The following RGS20 variants were observed in gnomAD, a reference collection of about 807,000 sequenced individuals.
RGS20 encodes the protein gz-selective GTPase-activating protein.
Under a neutral mutation model 33.6 loss-of-function variants are expected in RGS20, and 30 were observed. That is an observed-to-expected ratio of 0.89 (90% confidence interval 0.67 to 1.21). The LOEUF is 1.21. RGS20 is among the 50% of genes most tolerant of loss of function. The probability of loss-of-function intolerance (pLI) is 0.00; values close to 1 mark genes in which losing one functional copy is unlikely to be tolerated. For missense variants in RGS20, 472 were observed against 502.4 expected (o/e 0.94, Z 0.58); for synonymous variants, 208 against 197.9 (o/e 1.05, Z -0.43).
chr8:53,933,935 G>T (rs578160412), intron 2 of RGS20, among the ~76,000 whole-genome samples: 1 of 152,324 alleles, frequency 6.6e-6, no homozygotes, highest in Admixed American at 6.5e-5. Context: ...CAAGCCAGAA[G>T]AGAGTGGGGT....
intron 1 of RGS20, among the ~76,000 whole-genome samples, chr8:53,875,973 G>A (rs960412473): frequency 1.3e-5 from 2 of 152,206 alleles, no homozygotes; most frequent in African/African-American, 4.8e-5. Flanking sequence ...GGTCAATGCA[G>A]GGAAAGATTT....
chr8:53,856,831 C>T, intron 1 of RGS20, among the ~76,000 whole-genome samples: 1 of 151,846 alleles, frequency 6.6e-6, no homozygotes, highest in African/African-American at 2.4e-5. Context: ...TCTGCTGTTC[C>T]AGACATGTGA....
intron 2 of RGS20, chr8:53,881,076 G>T (rs780172982): frequency 1.9e-6 from 3 of 1,544,244 alleles, no homozygotes; most frequent in East Asian, 2.3e-5. Flanking sequence ...CAGGGTGGAC[G>T]GTGGGCTCGT....
chr8:53,952,100 C>G (rs1442035150), intron 4 of RGS20, among the ~76,000 whole-genome samples: 2 of 145,228 alleles, frequency 1.4e-5, no homozygotes, highest in Non-Finnish European at 3.0e-5. Context: ...TTTTTTGAGA[C>G]AGAGTCTTAC....
intron 2 of RGS20, among the ~76,000 whole-genome samples, chr8:53,909,207 GTGTATATATA>G (rs1330520965): frequency 0.14 from 11,878 of 82,986 alleles, 1,006 homozygotes; most frequent in South Asian, 0.19. Flanking sequence ...TATGGTATGT[GTGTATATATA>G]TATATATATA....
Position 53,947,193 on chromosome 8 carries a change from A to T in RGS20, c.743+445A>T, listed in dbSNP as rs12546514. Among the ~76,000 whole-genome samples, 986 of 145,038 alleles carry T rather than the reference A, an allele frequency of 6.8e-3. 20 individuals carry two copies. The highest frequency in any genetic ancestry group is 0.036 in the Admixed American group (494 of 13,820). ...TCTATATAAGATATAGCATATTTAT[A>T]CACGCTATATAAGATATAGCATATT... On this transcript the variant is annotated intron_variant, in intron 4 of 5. Coordinates refer to ENST00000297313, the MANE Select transcript of RGS20 (RefSeq NM_170587.4).
At chr8:53,865,827 T>G (rs1327090493) in intron 1 of RGS20, among the ~76,000 whole-genome samples, 2 of 152,194 alleles carry the variant, frequency 1.3e-5, no homozygotes, top group African/African-American at 2.4e-5. Context: ...AGGCTGGTCT[T>G]GAACTCCTGG....
chr8:53,910,398 C>T (rs945885585), intron 2 of RGS20, among the ~76,000 whole-genome samples: 1 of 146,748 alleles, frequency 6.8e-6, no homozygotes, highest in Non-Finnish European at 1.5e-5. Flanking sequence ...TGAGCTGCCA[C>T]TTACGCCTAT....
At chr8:53,916,467 C>A (rs544890708) in intron 2 of RGS20, among the ~76,000 whole-genome samples, 1 of 152,124 alleles carries the variant, frequency 6.6e-6, no homozygotes, top group Admixed American at 6.5e-5. Flanking sequence ...TTTTTTGCAA[C>A]GGTCTGTGAG....
intron 2 of RGS20, among the ~76,000 whole-genome samples, chr8:53,933,170 G>T (rs1814024157): frequency 6.6e-6 from 1 of 152,118 alleles, no homozygotes; most frequent in African/African-American, 2.4e-5. Flanking sequence ...AGTGCAAAAA[G>T]GCTGAAAATT....
At chr8:53,937,904 G>A (rs1814179013) in intron 2 of RGS20, among the ~76,000 whole-genome samples, 1 of 152,192 alleles carries the variant, frequency 6.6e-6, no homozygotes, top group Non-Finnish European at 1.5e-5. Context: ...GAGAGGATGT[G>A]GAGAAATAGG....
At chr8:53,879,632 C>A in intron 2 of RGS20, 2 of 1,420,884 alleles carry the variant, frequency 1.4e-6, no homozygotes, top group Non-Finnish European at 1.8e-6. Context: ...CTACGCCCCA[C>A]ACCCAGCCTC....
chr8:53,875,211 T>G (rs1008801991), intron 1 of RGS20, among the ~76,000 whole-genome samples: 2 of 151,944 alleles, frequency 1.3e-5, no homozygotes, highest in Admixed American at 1.3e-4. Context: ...GTGGGAGGAT[T>G]ACATGAGGTC....
intron 1 of RGS20, among the ~76,000 whole-genome samples, chr8:53,856,098 T>C (rs2129266336): frequency 6.6e-6 from 1 of 152,354 alleles, no homozygotes; most frequent in South Asian, 2.1e-4. Context: ...CTGTATGATT[T>C]CTGCCCAAAA....
intron 1 of RGS20, among the ~76,000 whole-genome samples, chr8:53,872,614 T>C (rs1399064435): frequency 2.0e-5 from 3 of 152,200 alleles, no homozygotes; most frequent in Non-Finnish European, 1.5e-5. Flanking sequence ...CGCTGTTCTC[T>C]TTCTACTCCC....
intron 2 of RGS20, among the ~76,000 whole-genome samples, chr8:53,904,503 T>C (rs1053636000): frequency 1.3e-5 from 2 of 152,212 alleles, no homozygotes; most frequent in Admixed American, 6.5e-5. Flanking sequence ...TAATTTGCAA[T>C]AACTACGCAG....
chr8:53,946,752 A>G lies in RGS20; in HGVS notation c.743+4A>G. On this transcript the variant is annotated splice_donor_region_variant and intron_variant, in intron 4 of 5. Coordinates refer to ENST00000297313, the MANE Select transcript of RGS20 (RefSeq NM_170587.4). ...ATCTTCCAACCTGGGAAGAAAGGTGAAATCACACGTTTTTTTTACCTCACT... is the reference window on the plus strand; with the variant it reads ...ATCTTCCAACCTGGGAAGAAAGGTGGAATCACACGTTTTTTTTACCTCACT... 6.2e-7 allele frequency: 1 copy of G among 1,611,984 alleles called. No homozygotes were observed. Among genetic ancestry groups the G allele is most frequent in the South Asian group, 1.1e-5 (1 of 90,782 alleles).
At chr8:53,881,372 C>A (rs1812377963) in intron 2 of RGS20, among the ~76,000 whole-genome samples, 1 of 151,968 alleles carries the variant, frequency 6.6e-6, no homozygotes. Flanking sequence ...TGCGGCTTCG[C>A]GTCGGTGTCT....
At chr8:53,932,197 G>A (rs1405932776) in intron 2 of RGS20, among the ~76,000 whole-genome samples, 1 of 152,014 alleles carries the variant, frequency 6.6e-6, no homozygotes, top group Non-Finnish European at 1.5e-5. Flanking sequence ...CACAAAACTG[G>A]GTGGCCATTT....
Sources: gnomAD v4.1 joint callset for allele counts (sites outside exome capture counted in the v4.1 genomes callset) on GRCh38, gnomAD v4.1.1 for gene constraint, MANE v1.5 for transcripts, NCBI Gene and HGNC (gene_info 2026-07-23, HGNC 2026-07-21) for gene names.